The following FNDC3B variants were observed in gnomAD, a reference collection of about 807,000 sequenced individuals.
FNDC3B encodes fibronectin type III domain containing 3B.
A neutral mutation model predicts 151.5 loss-of-function variants in FNDC3B; 12 were observed. That is an observed-to-expected ratio of 0.08 (90% CI 0.05 to 0.13). FNDC3B has a LOEUF of 0.13. FNDC3B is among the 10% of genes least tolerant of loss of function. The pLI, the probability that FNDC3B is intolerant of heterozygous loss-of-function variation, is 1.00. For synonymous variants in FNDC3B, 528 were observed against 549.0 expected (o/e 0.96, Z 0.54); for missense variants, 1,214 against 1,505.3 (o/e 0.81, Z 3.20).
chr3:172,239,066 T>TTA (rs1727329043), intron 4 of FNDC3B, among the ~76,000 whole-genome samples: 1 of 152,096 alleles, frequency 6.6e-6, no homozygotes, highest in African/African-American at 2.4e-5. Context: ...TTTTTTTTTT[T>TTA]ATTTTGGCTT....
At chr3:172,119,323 A>T (rs1720422290) in intron 2 of FNDC3B, among the ~76,000 whole-genome samples, 2 of 151,956 alleles carry the variant, frequency 1.3e-5, no homozygotes, top group Non-Finnish European at 2.9e-5. Context: ...AAGATGAATA[A>T]GGCACTGTTC....
At chr3:172,380,425 A>G (rs1336931290) in intron 24 of FNDC3B, among the ~76,000 whole-genome samples, 1 of 152,134 alleles carries the variant, frequency 6.6e-6, no homozygotes, top group African/African-American at 2.4e-5. Flanking sequence ...ATTCCCCAGG[A>G]CTGTTCTCAC....
At chr3:172,378,748 TAG>T (rs2108368603) in intron 24 of FNDC3B, among the ~76,000 whole-genome samples, 1 of 152,296 alleles carries the variant, frequency 6.6e-6, no homozygotes, top group East Asian at 1.9e-4. Flanking sequence ...TCCCCTTTCC[TAG>T]ACTTTCAGAG....
chr3:172,269,914 T>C (rs1276134775), intron 6 of FNDC3B, among the ~76,000 whole-genome samples: 1 of 152,222 alleles, frequency 6.6e-6, no homozygotes, highest in African/African-American at 2.4e-5. Flanking sequence ...CCCAAAGTGC[T>C]GGGATTACAG....
chr3:172,083,460 ATCTG>A (rs1200486193), intron 1 of FNDC3B, among the ~76,000 whole-genome samples: 1 of 152,224 alleles, frequency 6.6e-6, no homozygotes, highest in African/African-American at 2.4e-5. Flanking sequence ...ATACTACCTC[ATCTG>A]TCTGTTCACA....
intron 11 of FNDC3B, among the ~76,000 whole-genome samples, chr3:172,311,682 C>A (rs968976805): frequency 6.8e-6 from 1 of 146,600 alleles, no homozygotes; most frequent in Non-Finnish European, 1.5e-5. Context: ...CTGGCTAACA[C>A]GATGAAACAC....
intron 11 of FNDC3B, among the ~76,000 whole-genome samples, chr3:172,318,245 G>A (rs1210549876): frequency 1.3e-5 from 2 of 152,208 alleles, no homozygotes; most frequent in Admixed American, 1.3e-4. Flanking sequence ...GCCAGCAGCC[G>A]GTAGAACCCA....
intron 2 of FNDC3B, among the ~76,000 whole-genome samples, chr3:172,131,167 C>A (rs1415847682): frequency 6.6e-6 from 1 of 152,108 alleles, no homozygotes; most frequent in Non-Finnish European, 1.5e-5. Context: ...GAGGCCGAGA[C>A]GGACGGATCA....
At chr3:172,317,033 C>T in intron 11 of FNDC3B, 1 of 378,656 alleles carries the variant, frequency 2.6e-6, no homozygotes, top group East Asian at 7.9e-5. Flanking sequence ...GTCTTTTTAT[C>T]AGGAACCCAC....
At position 172,381,491 on chromosome 3, in the gene FNDC3B, T is replaced by A. The variant is rs993327002; in HGVS notation, c.3303+398T>A. On this transcript the variant is annotated intron_variant, in intron 25 of 25. Transcript: ENST00000415807. ...TGATCTTTTTTTTTTTTCATTATACTTTAAGTTCTGGGATACATGTGTAGA... is the reference window on the plus strand; with the variant it reads ...TGATCTTTTTTTTTTTTCATTATACATTAAGTTCTGGGATACATGTGTAGA... Among the ~76,000 whole-genome samples, 5 of 152,074 alleles carry A rather than the reference T, an allele frequency of 3.3e-5. No homozygotes were observed. In the East Asian group the frequency reaches 9.6e-4, roughly 29 times the overall value.
rs181179361 is a variant in FNDC3B at position 172,156,004 on chromosome 3, A to G, written c.187+22458A>G. ...ACTGGAAAAAGAAAAAAAATTGCCC[A>G]GAGACTCTTTTTCTAAATGGTTTTG... On this transcript the variant is annotated intron_variant, in intron 3 of 25. Transcript: ENST00000415807. Among the ~76,000 whole-genome samples the G allele has an allele frequency of 4.3e-4, 65 of 152,336 alleles. 1 individual carries two copies. In the South Asian group the frequency reaches 9.1e-3, roughly 21 times the overall value.
At chr3:172,291,780 C>T (rs529648238) in intron 7 of FNDC3B, among the ~76,000 whole-genome samples, 1 of 152,180 alleles carries the variant, frequency 6.6e-6, no homozygotes, top group South Asian at 2.1e-4. Context: ...GAACAAACAG[C>T]CATGGTGATC....
chr3:172,064,639 G>A (rs1717397041), intron 1 of FNDC3B, among the ~76,000 whole-genome samples: 1 of 152,234 alleles, frequency 6.6e-6, no homozygotes, highest in African/African-American at 2.4e-5. Flanking sequence ...AATGTAGGAA[G>A]TCCATAGCCA....
Position 172,397,314 on chromosome 3 carries a change from C to A in FNDC3B, c.3454C>A (p.Arg1152=). The A allele has an allele frequency of 6.2e-7, 1 of 1,614,162 alleles. No individual in the cohort carries two copies. The highest frequency in any genetic ancestry group is 8.5e-7 in the Non-Finnish European group (1 of 1,180,016). The change falls in exon 26 of 26, where the codon CGA becomes AGA. Residue 1152 remains arginine (R), a synonymous_variant. Coordinates refer to ENST00000415807, the MANE Select transcript of FNDC3B (RefSeq NM_022763.4). ...FSPSAAFVLQ[R]SEVMLTGDMG... is the part of the protein sequence containing the mutation. Reference sequence around the variant, plus strand: ...CCCCTCTGCGGCTTTTGTATTACAACGAAGTGAGGTCATGCTTACAGGGGA... The same window carrying A: ...CCCCTCTGCGGCTTTTGTATTACAAAGAAGTGAGGTCATGCTTACAGGGGA...
chr3:172,248,132 G>A (rs1457807211), intron 5 of FNDC3B, among the ~76,000 whole-genome samples: 2 of 152,166 alleles, frequency 1.3e-5, no homozygotes, highest in African/African-American at 2.4e-5. Context: ...TACAACTGTG[G>A]CACATCGTTT....
At chr3:172,355,744 A>T (rs1734065775) in intron 22 of FNDC3B, among the ~76,000 whole-genome samples, 1 of 152,166 alleles carries the variant, frequency 6.6e-6, no homozygotes, top group African/African-American at 2.4e-5. Flanking sequence ...GCTGTCTCTT[A>T]TTTACCCATC....
chr3:172,368,061 A>G (rs1056191758), intron 23 of FNDC3B, among the ~76,000 whole-genome samples: 1 of 152,130 alleles, frequency 6.6e-6, no homozygotes, highest in Non-Finnish European at 1.5e-5. Flanking sequence ...GGCAACTAAT[A>G]AAAATGGTCG....
chr3:172,255,290 C>T (rs571127610), intron 6 of FNDC3B, among the ~76,000 whole-genome samples: 42 of 152,078 alleles, frequency 2.8e-4, no homozygotes, highest in Middle Eastern at 3.4e-3. Flanking sequence ...TCTTTTGAGA[C>T]GGAATTTCAC....
chr3:172,049,561 C>G (rs1178844637), intron 1 of FNDC3B, among the ~76,000 whole-genome samples: 1 of 152,068 alleles, frequency 6.6e-6, no homozygotes, highest in Non-Finnish European at 1.5e-5. Context: ...GAATTTCGCT[C>G]TTATTGTCCA....
Sources: allele counts gnomAD v4.1 joint callset (sites outside exome capture counted in the v4.1 genomes callset), GRCh38; gene constraint gnomAD v4.1.1; transcripts MANE v1.5; gene names NCBI Gene and HGNC (gene_info 2026-07-23, HGNC 2026-07-21).